ABCB1: variants seen among roughly 807,000 people sequenced by gnomAD.
ABCB1 encodes the protein ATP binding cassette subfamily B member 1, also known as ATP-dependent translocase ABCB1.
ABCB1 carries 69 observed loss-of-function variants against 142.0 expected under a neutral mutation model. The observed-to-expected ratio is 0.49, with a 90% confidence interval of 0.40 to 0.59. The LOEUF (loss-of-function observed/expected upper bound fraction) is 0.59, where lower values mean the gene tolerates loss of function less well. Ranked by LOEUF, ABCB1 falls within the 20% of genes least tolerant of loss-of-function variation. The probability of loss-of-function intolerance (pLI) is 0.00; values close to 1 mark genes in which losing one functional copy is unlikely to be tolerated. For synonymous variants in ABCB1, 532 were observed against 539.2 expected (o/e 0.99, Z 0.18); for missense variants, 1,326 against 1,554.7 (o/e 0.85, Z 2.47).
chr7:87,585,982 T>A (rs1164466775), intron 3 of ABCB1, among the ~76,000 whole-genome samples: 1 of 152,126 alleles, frequency 6.6e-6, no homozygotes, highest in Non-Finnish European at 1.5e-5. Flanking sequence ...TAATGGTATA[T>A]AATATGGTAT....
intron 18 of ABCB1, 53 bp downstream of exon 18, chr7:87,541,304 T>C: frequency 1.7e-6 from 2 of 1,185,074 alleles, no homozygotes; most frequent in Middle Eastern, 2.3e-4. Flanking sequence ...ATCCCCCCAG[T>C]TGAATAATGA....
chr7:87,506,356 AT>A (rs1392102049), intron 26 of ABCB1, among the ~76,000 whole-genome samples: 1 of 152,224 alleles, frequency 6.6e-6, no homozygotes, highest in Admixed American at 6.5e-5. Flanking sequence ...TGGGACAAAG[AT>A]TGGCAGGAGA....
chr7:87,563,308 T>C (rs997820656), intron 7 of ABCB1: 6 of 438,624 alleles, frequency 1.4e-5, no homozygotes, highest in Non-Finnish European at 2.8e-5. Flanking sequence ...CTCTGACCCA[T>C]TCTATGAGGC....
In ABCB1 at chr7:87,579,323, G is replaced by A. The variant is rs753176261; in HGVS notation, c.286+6189C>T. On this transcript the variant is annotated intron_variant, in intron 4 of 27. Transcript: ENST00000622132. ...CCAGATCTTGAAGGAAAGGCTTTCA[G>A]TTTTTCCTCATTTGGTGTGATACTA... is the stretch of plus-strand genomic sequence containing the variant. 2.4e-4 allele frequency among the ~76,000 whole-genome samples: 37 copies of A among 152,152 alleles called. 1 individual carries two copies. Among genetic ancestry groups the A allele is most frequent in the South Asian group, 8.3e-4 (4 of 4,816 alleles).
intron 4 of ABCB1, among the ~76,000 whole-genome samples, chr7:87,576,158 CTT>C (rs199634434): frequency 6.7e-6 from 1 of 149,706 alleles, no homozygotes; most frequent in Non-Finnish European, 1.5e-5. Context: ...GTATATTGAT[CTT>C]TTTTTTTTTT....
At chr7:87,549,584 G>T in intron 13 of ABCB1, 66 bp from the exon 14 acceptor site, 1 of 1,610,476 alleles carries the variant, frequency 6.2e-7, no homozygotes, top group African/African-American at 1.3e-5. Context: ...TTTTAAATTG[G>T]TAAGGAATCC....
intron 2 of ABCB1, among the ~76,000 whole-genome samples, chr7:87,599,235 T>C (rs1337208395): frequency 1.3e-5 from 2 of 152,194 alleles, no homozygotes; most frequent in East Asian, 1.9e-4. Flanking sequence ...TAACAATGAA[T>C]CTATTTAGTG....
At chr7:87,519,601 G>T (rs370676561) in intron 22 of ABCB1, 135 bp from the exon 23 acceptor site, 1 of 999,136 alleles carries the variant, frequency 1.0e-6, no homozygotes, top group Non-Finnish European at 1.5e-6. Context: ...ACTAAGTTTG[G>T]TCCTCACTTT....
chr7:87,540,065 T>A (rs1241641854), intron 18 of ABCB1, among the ~76,000 whole-genome samples: 1 of 152,242 alleles, frequency 6.6e-6, no homozygotes, highest in African/African-American at 2.4e-5. Flanking sequence ...AAGTACTCAG[T>A]AAAGAAAGAA....
At chr7:87,625,262 A>G (rs1453368498) in intron 1 of ABCB1, among the ~76,000 whole-genome samples, 2 of 152,104 alleles carry the variant, frequency 1.3e-5, no homozygotes, top group African/African-American at 4.8e-5. Context: ...GTCTCAAAAA[A>G]AAAAAAGAAA....
At chr7:87,555,843 A>G (rs1265376086) in intron 8 of ABCB1, among the ~76,000 whole-genome samples, 1 of 152,216 alleles carries the variant, frequency 6.6e-6, no homozygotes. Flanking sequence ...CATTTAATAC[A>G]TATGTACTAT....
chr7:87,670,721 G>T (rs1239089832), intron 1 of ABCB1, among the ~76,000 whole-genome samples: 2 of 152,166 alleles, frequency 1.3e-5, no homozygotes, highest in African/African-American at 2.4e-5. Context: ...CTTGACTCTG[G>T]TTTCAGAGGT....
chr7:87,503,378 C>T lies in ABCB1; in HGVS notation c.*865G>A, dbSNP rs1814574720. On this transcript the variant is annotated 3_prime_UTR_variant, in exon 28 of 28. Transcript: ENST00000622132. ...TCAAGATGTAGTTAAACTCATGGCA[C>T]ATTTTAAACATCTGTAAGTCAGAAG... Among the ~76,000 whole-genome samples, 1 of 152,078 alleles carries T rather than the reference C, an allele frequency of 6.6e-6. No individual in the cohort carries two copies. Among genetic ancestry groups the T allele is most frequent in the Non-Finnish European group, 1.5e-5 (1 of 67,988 alleles).
intron 1 of ABCB1, among the ~76,000 whole-genome samples, chr7:87,647,747 A>G (rs1823156014): frequency 6.6e-6 from 1 of 152,052 alleles, no homozygotes; most frequent in Non-Finnish European, 1.5e-5. Flanking sequence ...ACCATTACAT[A>G]ACTAACAAAT....
intron 1 of ABCB1, among the ~76,000 whole-genome samples, chr7:87,622,786 C>T (rs376292059): frequency 8.5e-5 from 13 of 152,086 alleles, no homozygotes; most frequent in East Asian, 5.8e-4. Context: ...AATCCCCACA[C>T]TTGAGGGGCC....
chr7:87,644,893 G>A (rs916677882), intron 1 of ABCB1, among the ~76,000 whole-genome samples: 1 of 151,748 alleles, frequency 6.6e-6, no homozygotes, highest in Admixed American at 6.6e-5. Context: ...AAATTTTTAA[G>A]TTATTTTTAA....
chr7:87,639,131 G>A (rs1012582148), intron 1 of ABCB1, among the ~76,000 whole-genome samples: 1 of 132,226 alleles, frequency 7.6e-6, no homozygotes, highest in Non-Finnish European at 1.5e-5. Context: ...TCCAGCCTGG[G>A]CGACAGAGTG....
intron 6 of ABCB1, 69 bp downstream of exon 6, chr7:87,566,716 G>T: frequency 7.1e-7 from 1 of 1,412,224 alleles, no homozygotes; most frequent in Non-Finnish European, 1.0e-6. Flanking sequence ...TAACAGATGT[G>T]ATGACATCTA....
chr7:87,574,589 C>T (rs143635249), intron 4 of ABCB1, among the ~76,000 whole-genome samples: 82 of 152,236 alleles, frequency 5.4e-4, no homozygotes, highest in Middle Eastern at 6.8e-3. Flanking sequence ...GTAAGCACAC[C>T]GAAGAGTTTA....
Sources: allele counts gnomAD v4.1 joint callset (sites outside exome capture counted in the v4.1 genomes callset), GRCh38; gene constraint gnomAD v4.1.1; transcripts MANE v1.5; gene names NCBI Gene and HGNC (gene_info 2026-07-23, HGNC 2026-07-21).